Variants in LRP4 observed in about 807,000 individuals in gnomAD.
LRP4 encodes LDL receptor related protein 4.
In LRP4, 95 loss-of-function variants were observed where a neutral mutation model predicts 220.3. That is an observed-to-expected ratio of 0.43 (90% CI 0.37 to 0.51). The LOEUF (loss-of-function observed/expected upper bound fraction) is 0.51, where lower values mean the gene tolerates loss of function less well. LRP4 is among the 20% of genes least tolerant of loss of function. LRP4 has a pLI of 0.00. For missense variants in LRP4, 1,925 were observed against 2,567.0 expected (o/e 0.75, Z 5.40); for synonymous variants, 903 against 954.6 (o/e 0.95, Z 1.00).
At position 46,873,159 on chromosome 11, in the gene LRP4, G is replaced by A. The variant is rs1474734222; in HGVS notation, c.4524C>T (p.Val1508=). Residue 1508 remains valine (V), a synonymous_variant, in exon 30 of 38, where the codon GTC becomes GTT. Coordinates refer to ENST00000378623, the MANE Select transcript of LRP4 (RefSeq NM_002334.4). The surrounding 1 kb of genome is among the most constrained non-coding windows in gnomAD (Gnocchi z 4.2). ...RANLDGSERK[V]LINTDLGWPN... ...GCCAACCCAGGTCTGTGTTGATGAG[G>A]ACCTTCCGCTCAGAACCATCCAAGT... 1 of 1,614,078 alleles carries A rather than the reference G, an allele frequency of 6.2e-7. No homozygotes were observed. The highest frequency in any genetic ancestry group is 1.3e-5 in the African/African-American group (1 of 74,920).
In LRP4 at chr11:46,886,605, C is replaced by T. The variant is rs892314995; in HGVS notation, c.2216-72G>A. On this transcript the variant is annotated intron_variant, in intron 16 of 37. Transcript: ENST00000378623. ...GAACAGTGACAGACACAGACGCTCA[C>T]CTGCGTGACATCTGGTTCAATCACA... is the stretch of plus-strand genomic sequence containing the variant. 3 of 1,279,480 alleles carry T rather than the reference C, an allele frequency of 2.3e-6. No individual in the cohort carries two copies. In the East Asian group the frequency reaches 7.0e-5, roughly 30 times the overall value. 79.3% of individuals were successfully genotyped at this position (1,279,480 alleles called of 1,614,324 possible). A position where few individuals can be genotyped will look rare whatever the true frequency, so the allele number is the denominator to read the frequency against.
intron 13 of LRP4, among the ~76,000 whole-genome samples, chr11:46,892,586 T>C (rs1192506460): frequency 6.6e-6 from 1 of 151,542 alleles, no homozygotes; most frequent in Non-Finnish European, 1.5e-5. Flanking sequence ...TTTTTTTTTT[T>C]TTCGAGACAG....
intron 33 of LRP4, 47 bp from the exon 34 acceptor site, chr11:46,868,161 CTA>C: frequency 6.2e-7 from 1 of 1,612,332 alleles, no homozygotes; most frequent in Non-Finnish European, 8.5e-7. Context: ...CCATAAACAT[CTA>C]CATATGGCCC....
intron 37 of LRP4, 145 bp from the exon 38 acceptor site, chr11:46,859,460 A>G (rs1160938633): frequency 1.4e-6 from 1 of 714,542 alleles, no homozygotes; most frequent in African/African-American, 1.7e-5. Flanking sequence ...TGTGATTAAG[A>G]CAAGTGTATG....
At chr11:46,893,901 A>ATTT (rs766275851) in intron 12 of LRP4, among the ~76,000 whole-genome samples, 1 of 104,152 alleles carries the variant, frequency 9.6e-6, no homozygotes, top group Admixed American at 9.9e-5. Context: ...CGCTTGAACT[A>ATTT]TTTTTTTTTT....
chr11:46,900,409 A>G (rs759265626), intron 2 of LRP4, 31 bp from the exon 3 acceptor site: 7 of 1,330,956 alleles, frequency 5.3e-6, no homozygotes, highest in African/African-American at 2.9e-5. Context: ...AGAAAAGTCA[A>G]TCAACCTGGT....
chr11:46,869,836 C>T (rs1689478629), intron 31 of LRP4, among the ~76,000 whole-genome samples: 1 of 151,956 alleles, frequency 6.6e-6, no homozygotes, highest in Non-Finnish European at 1.5e-5. Context: ...AGGCCAGGTG[C>T]GGTGGCTCAT....
rs752533443 is a variant in LRP4, at chr11:46,898,594, C to T, written c.760G>A (p.Ala254Thr). ...TCATCAGACTGGTCATCACAGTCCG[C>T]GTCACCATCGCAGCGCCAGCCTGCA... is the stretch of plus-strand genomic sequence containing the variant. ...INAGWRCDGD[A>T]DCDDQSDERN... is the part of the protein sequence containing the mutation. The change falls in exon 7 of 38, where the codon GCG (alanine) becomes ACG (threonine). Residue 254 changes from alanine to threonine, a missense_variant. Physicochemically the swap from Ala to Thr is moderately conservative, Grantham distance 58. Around this residue, in one of 3 missense-constraint regions of LRP4, gnomAD observed 412 missense variants for 505.4 expected, o/e 0.82. Transcript: ENST00000378623. The T allele has an allele frequency of 6.8e-6, 11 of 1,614,082 alleles. No homozygotes were observed. The highest frequency in any genetic ancestry group is 4.5e-5 in the East Asian group (2 of 44,890).
intron 3 of LRP4, 23 bp downstream of exon 3, chr11:46,900,239 G>A (rs753872059): frequency 5.3e-5 from 82 of 1,553,094 alleles, no homozygotes; most frequent in Middle Eastern, 1.7e-4. Context: ...ATGGAGTTCC[G>A]CCCAGCCTCT....
chr11:46,866,755 C>T (rs978611114), intron 34 of LRP4, among the ~76,000 whole-genome samples: 3 of 151,996 alleles, frequency 2.0e-5, no homozygotes, highest in African/African-American at 4.8e-5. Context: ...CCCATCTCTA[C>T]AAAAAGTACA....
chr11:46,865,274 G>A, intron 34 of LRP4, 88 bp from the exon 35 acceptor site: 4 of 904,740 alleles, frequency 4.4e-6, no homozygotes, highest in Non-Finnish European at 5.4e-6. Flanking sequence ...AGGCCTGTAA[G>A]TGGGGGCTTT....
In LRP4 at chr11:46,898,146, A is replaced by C. The variant is rs561180009; in HGVS notation, c.796+412T>G. ...CTGGATGGGGCGGCTGGCCGGGCAG[A>C]GGGGCTCCTCACTTCCCAGTAGGGG... On this transcript the variant is annotated intron_variant, in intron 7 of 37. Coordinates refer to ENST00000378623, the MANE Select transcript of LRP4 (RefSeq NM_002334.4). Among the ~76,000 whole-genome samples the C allele has an allele frequency of 2.7e-3, 413 of 151,366 alleles. 2 individuals carry two copies. Among genetic ancestry groups the C allele is most frequent in the African/African-American group, 9.5e-3 (391 of 41,182 alleles).
rs1940909668 is a variant in LRP4, at chr11:46,872,985, C to T, written c.4583+115G>A. ...ATTCCCTTATCCTTCTCAATGATTC[C>T]TCTTCCCCACATACCAAGAAGCTTT... On this transcript the variant is annotated intron_variant, in intron 30 of 37. Transcript: ENST00000378623. 1.2e-5 allele frequency: 17 copies of T among 1,399,288 alleles called. No individual in the cohort carries two copies. In the South Asian group the frequency reaches 1.9e-4, roughly 15 times the overall value. 86.7% of individuals were successfully genotyped at this position (1,399,288 alleles called of 1,614,324 possible).
Position 46,857,801 on chromosome 11 carries a change from G to C in LRP4, c.*1182C>G, listed in dbSNP as rs1422261487. On this transcript the variant is annotated 3_prime_UTR_variant, in exon 38 of 38. Coordinates refer to ENST00000378623, the MANE Select transcript of LRP4 (RefSeq NM_002334.4). The stretch of plus-strand genomic sequence containing the variant: ...ATGGAAACTAAGCCCCTTAGCTGAG[G>C]GGACAGCTGGAAGAGGAACATCACC... 1 of 152,600 alleles carries C rather than the reference G, an allele frequency of 6.6e-6. No individual in the cohort carries two copies. Among genetic ancestry groups the C allele is most frequent in the Non-Finnish European group, 1.5e-5 (1 of 68,048 alleles). The allele number at this position is 152,600 out of a possible 1,614,324, so 9.5% of individuals were successfully genotyped here.
At chr11:46,900,228 A>C (rs1241485231) in intron 3 of LRP4, 34 bp downstream of exon 3, 1 of 1,474,702 alleles carries the variant, frequency 6.8e-7, no homozygotes, top group East Asian at 2.3e-5. Context: ...AGTGGAACTC[A>C]ATGGAGTTCC....
chr11:46,882,803 C>T (rs1240809853), intron 19 of LRP4, among the ~76,000 whole-genome samples: 1 of 151,958 alleles, frequency 6.6e-6, no homozygotes, highest in Admixed American at 6.6e-5. Flanking sequence ...CTGCAGTGAG[C>T]CGTGATTTGC....
At position 46,862,683 on chromosome 11, in the gene LRP4, G is replaced by A. The variant is rs751018057; in HGVS notation, c.5308C>T (p.Arg1770Ter). The change falls in exon 37 of 38, where the codon CGA (arginine) becomes TGA (stop). Residue 1770 changes from arginine (R) to a stop codon, truncating the protein, a stop_gained. Transcript: ENST00000378623. LOFTEE classifies it high-confidence loss of function. ...GNLTYSNPSY[R>*]TSTQEVKIEA... ...ATCTTCACTTCCTGTGTGGATGTTC[G>A]GTAGGAGGGGTTGCTGTAGGTGAGG... The A allele has an allele frequency of 3.7e-6, 6 of 1,613,820 alleles. No homozygotes were observed. The highest frequency in any genetic ancestry group is 1.1e-5 in the South Asian group (1 of 91,090).
Position 46,890,205 on chromosome 11 carries a change from A to G in LRP4, c.1915+72T>C, listed in dbSNP as rs892980499. ...GGCCTGGCAACTACACAAAACCTCTACCAAGGCTCCTGGGGGGCAGGGACG... is the reference window on the plus strand; with the variant it reads ...GGCCTGGCAACTACACAAAACCTCTGCCAAGGCTCCTGGGGGGCAGGGACG... On this transcript the variant is annotated intron_variant, in intron 14 of 37. Transcript: ENST00000378623. This position sits in a 1 kb window ranked among gnomAD's most constrained non-coding sequence, Gnocchi z 5.3. 5 of 1,605,152 alleles carry G rather than the reference A, an allele frequency of 3.1e-6. No individual in the cohort carries two copies. The highest frequency in any genetic ancestry group is 4.3e-6 in the Non-Finnish European group (5 of 1,172,334).
At chr11:46,870,243 TG>T (rs1402173569) in intron 31 of LRP4, among the ~76,000 whole-genome samples, 1 of 152,126 alleles carries the variant, frequency 6.6e-6, no homozygotes, top group Non-Finnish European at 1.5e-5. Flanking sequence ...CACTCCAGCC[TG>T]GGCGACACAG....
Sources: gnomAD v4.1 joint callset for allele counts (sites outside exome capture counted in the v4.1 genomes callset) on GRCh38, gnomAD v4.1.1 for gene constraint, gnomAD v4.1.1 regional missense constraint, Gnocchi (gnomAD v3.1) non-coding constraint, MANE v1.5 for transcripts, NCBI Gene and HGNC (gene_info 2026-07-23, HGNC 2026-07-21) for gene names.